ALG12: variants seen among roughly 807,000 people sequenced by gnomAD.
ALG12 encodes the protein dol-P-Man:Man(7)GlcNAc(2)-PP-Dol alpha-1,6-mannosyltransferase.
ALG12 carries 36 observed loss-of-function variants against 46.0 expected under a neutral mutation model. The ratio of observed to expected loss-of-function variants is 0.78; its 90% CI spans 0.60 to 1.03. The LOEUF is 1.03. ALG12 is among the 50% of genes least tolerant of loss of function. ALG12 has a pLI of 0.00. For synonymous variants in ALG12, 326 were observed against 291.6 expected, an observed-to-expected ratio of 1.12 and a Z score of -1.20; for missense variants, 599 against 633.5, an observed-to-expected ratio of 0.95 and a Z score of 0.58.
Position 49,910,072 on chromosome 22 carries a change from C to T in ALG12, c.486G>A (p.Ala162=), listed in dbSNP as rs774956528. The T allele has an allele frequency of 6.8e-6, 11 of 1,609,850 alleles. No homozygotes were observed. The highest frequency in any genetic ancestry group is 1.3e-5 in the African/African-American group (1 of 74,886). Residue 162 remains alanine, a synonymous_variant, in exon 5 of 10, where the codon GCG becomes GCA. Transcript: ENST00000330817. ...GGGCCCACTCGTGCCGCAGCCAGGC[C>T]GCGAGGGCCAGCAGGACTGCAAGAC... ...LALPVVLLAL[A]AWLRHEWARF... is the part of the protein sequence containing the mutation.
Position 49,907,805 on chromosome 22 carries a change from G to A in ALG12, c.908C>T (p.Ser303Phe). 1 of 1,614,172 alleles carries A rather than the reference G, an allele frequency of 6.2e-7. No homozygotes were observed. The highest frequency in any genetic ancestry group is 8.5e-7 in the Non-Finnish European group (1 of 1,180,044). The change falls in exon 7 of 10, where the codon TCC becomes TTC. Residue 303 changes from serine to phenylalanine, a missense_variant. Ser to Phe is a radical substitution (Grantham distance 155). Transcript: ENST00000330817. ...VLALGFMALY[S>F]LLPHKELRFI... Reference sequence around the variant, plus strand: ...GCGTAGCTCCTTGTGTGGCAGGAGGGAGTAGAGTGCCATGAAGCCCAGTGC... The same window carrying A: ...GCGTAGCTCCTTGTGTGGCAGGAGGAAGTAGAGTGCCATGAAGCCCAGTGC...
At position 49,910,025 on chromosome 22, in the gene ALG12, A is replaced by G. The variant is rs984235648; in HGVS notation, c.533T>C (p.Phe178Ser). The G allele has an allele frequency of 1.2e-6, 2 of 1,613,536 alleles. No homozygotes were observed. The highest frequency in any genetic ancestry group is 2.7e-5 in the African/African-American group (2 of 74,950). Reference protein sequence around the residue: ...EWARFIWLSAFAIIVFRVELC... With the variant: ...EWARFIWLSASAIIVFRVELC... ...CTCCACCCTGAACACGATGATGGCG[A>G]AGGCTGACAGCCAGATGAAGCGGGC... The change falls in exon 5 of 10, where the codon TTC becomes TCC. Residue 178 changes from phenylalanine to serine, a missense_variant. Transcript: ENST00000330817.
At position 49,903,411 on chromosome 22, in the gene ALG12, G is replaced by GC. The variant is rs1368326484; in HGVS notation, c.*426dup. 4.3e-6 allele frequency: 2 copies of GC among 459,854 alleles called. No homozygotes were observed. Among genetic ancestry groups the GC allele is most frequent in the South Asian group, 3.1e-5 (2 of 64,468 alleles). The allele number at this position is 459,854 out of a possible 1,614,324, so 28.5% of individuals were successfully genotyped here. ...CCTGAGAGGGGGTGCTGTCTTAGGT[G>GC]CCCCAAGAGGCCCTCGGGCAGCAAG... On this transcript the variant is annotated 3_prime_UTR_variant, in exon 10 of 10. Transcript: ENST00000330817.
chr22:49,879,403 A>T, the ALG12 span, among the ~76,000 whole-genome samples: 1 of 152,030 alleles, frequency 6.6e-6, no homozygotes, highest in East Asian at 2.0e-4. Context: ...CTGCGATTAC[A>T]GGTGTGAGCC....
chr22:49,880,221 C>T, the ALG12 span, among the ~76,000 whole-genome samples: 1 of 152,122 alleles, frequency 6.6e-6, no homozygotes, highest in Non-Finnish European at 1.5e-5. Flanking sequence ...ACCCTTCTGA[C>T]CCTGCTTGCT....
the ALG12 span, chr22:49,884,633 C>T: frequency 6.2e-6 from 10 of 1,612,624 alleles, no homozygotes; most frequent in South Asian, 1.1e-5. Context: ...GACCTGGGCA[C>T]GAGCTGCCTC....
downstream of ALG12, among the ~76,000 whole-genome samples, chr22:49,900,075 G>A (rs966454520): frequency 1.6e-4 from 24 of 152,230 alleles, 2 homozygotes; most frequent in South Asian, 1.9e-3. Flanking sequence ...GAGGTGGGAG[G>A]AAGGCTTAAG....
the ALG12 span, chr22:49,884,358 TGAA>T: frequency 6.2e-7 from 1 of 1,613,080 alleles, no homozygotes. Context: ...TAGTTTCTTC[TGAA>T]GAAATCTCCT....
At position 49,909,963 on chromosome 22, in the gene ALG12, A is replaced by T; in HGVS notation, c.595T>A (p.Leu199Met). 1.2e-6 allele frequency: 2 copies of T among 1,614,076 alleles called. No homozygotes were observed. Among genetic ancestry groups the T allele is most frequent in the Non-Finnish European group, 1.7e-6 (2 of 1,179,996 alleles). Residue 199 changes from leucine (L) to methionine (M), a missense_variant, in exon 5 of 10, where the codon TTG becomes ATG. Coordinates refer to ENST00000330817, the MANE Select transcript of ALG12 (RefSeq NM_024105.4). Reference protein sequence around the residue: ...LFLGLLLLLALGNRKVSVVRA... With the variant: ...LFLGLLLLLAMGNRKVSVVRA... ...ACTACAGAAACCTTTCGGTTGCCCA[A>T]GGCCAGCAGCAGCAGGAGGCCCAGG...
chr22:49,872,078 A>G, the ALG12 span, among the ~76,000 whole-genome samples: 4 of 152,304 alleles, frequency 2.6e-5, no homozygotes, highest in Non-Finnish European at 4.4e-5. Flanking sequence ...GAAGTTTGCT[A>G]CATCGATTAA....
chr22:49,913,272 C>G, intron 3 of ALG12, 113 bp downstream of exon 3: 1 of 1,520,806 alleles, frequency 6.6e-7, no homozygotes, highest in Non-Finnish European at 9.0e-7. Context: ...TGATCGAGGG[C>G]AGGCAAGACT....
chr22:49,865,277 T>A, the ALG12 span, among the ~76,000 whole-genome samples: 1 of 152,132 alleles, frequency 6.6e-6, no homozygotes, highest in Non-Finnish European at 1.5e-5. Flanking sequence ...GGTGTCGTTA[T>A]CTTATGTAGC....
At chr22:49,897,573 A>G (rs527943446), downstream of ALG12, among the ~76,000 whole-genome samples, 2 of 151,666 alleles carry the variant, frequency 1.3e-5, no homozygotes, top group South Asian at 4.2e-4. Context: ...CCTAATGACC[A>G]TATAATGAGG....
the ALG12 span, among the ~76,000 whole-genome samples, chr22:49,878,470 A>G: frequency 1.3e-5 from 2 of 152,190 alleles, no homozygotes; most frequent in African/African-American, 4.8e-5. Flanking sequence ...CGAGCAACCA[A>G]TTCTCAACAA....
At chr22:49,886,362 G>A in the ALG12 span, 16 of 1,610,428 alleles carry the variant, frequency 9.9e-6, no homozygotes, top group Non-Finnish European at 1.4e-5. This position sits in a 1 kb window ranked among gnomAD's most constrained non-coding sequence, Gnocchi z 7.7. Flanking sequence ...ACATGCTCGA[G>A]CGGCTCATTG....
the ALG12 span, among the ~76,000 whole-genome samples, chr22:49,860,906 G>A: frequency 1.3e-5 from 2 of 151,868 alleles, no homozygotes; most frequent in African/African-American, 2.4e-5. Flanking sequence ...AGCCTCCCGA[G>A]TAGCTGGGAC....
chr22:49,889,383 C>T, the ALG12 span: 3 of 167,140 alleles, frequency 1.8e-5, no homozygotes, highest in East Asian at 5.8e-4. Flanking sequence ...AAGGGACAAA[C>T]AGGGCTGAAA....
chr22:49,909,988 G>A lies in ALG12; in HGVS notation c.570C>T (p.Phe190=). ...IIVFRVELCL[F]LGLLLLLALG... is the part of the protein sequence containing the mutation. ...AGGCCAGCAGCAGCAGGAGGCCCAG[G>A]AACAGGCACAGCTCCACCCTGAACA... Residue 190 remains phenylalanine (F), a synonymous_variant, in exon 5 of 10, where the codon TTC becomes TTT. Transcript: ENST00000330817. 8.1e-6 allele frequency: 13 copies of A among 1,613,986 alleles called. No individual in the cohort carries two copies. The highest frequency in any genetic ancestry group is 1.1e-5 in the Non-Finnish European group (13 of 1,179,980).
intron 7 of ALG12, among the ~76,000 whole-genome samples, chr22:49,907,375 G>A (rs916162762): frequency 6.6e-6 from 1 of 152,188 alleles, no homozygotes; most frequent in Non-Finnish European, 1.5e-5. Flanking sequence ...AAAGCCCTCT[G>A]TCAGCACAAT....
Sources: allele counts gnomAD v4.1 joint callset (sites outside exome capture counted in the v4.1 genomes callset), GRCh38; gene constraint gnomAD v4.1.1; non-coding constraint Gnocchi (gnomAD v3.1); transcripts MANE v1.5; gene names NCBI Gene and HGNC (gene_info 2026-07-23, HGNC 2026-07-21).